The following MIR17HG variants were observed in gnomAD, a reference collection of about 807,000 sequenced individuals.
The protein encoded by MIR17HG is miR-17-92a-1 cluster host gene.
chr13:91,351,230 TG>T, intron 3 of MIR17HG: 1 of 529,812 alleles, frequency 1.9e-6, no homozygotes, highest in South Asian at 1.4e-5. Flanking sequence ...TGCATCCAGC[TG>T]TGTGATATTC....
At chr13:91,350,434 G>C in intron 3 of MIR17HG, 1 of 364,750 alleles carries the variant, frequency 2.7e-6, no homozygotes. Flanking sequence ...GTGTCTAAAT[G>C]GACCTCATAT....
chr13:91,351,438 T>C, intron 3 of MIR17HG: 1 of 501,096 alleles, frequency 2.0e-6, no homozygotes. Flanking sequence ...TTACTGAAGA[T>C]TTCGACTTCC....
rs535569411 is a variant in MIR17HG, at chr13:91,354,178, TTTAG to T, written n.532_535del. On this transcript the variant is annotated non_coding_transcript_exon_variant, in exon 4 of 4. Coordinates refer to ENST00000400282, the Ensembl canonical transcript of MIR17HG. Reference sequence around the variant, plus strand: ...GAGCTCAATCTGCACAGAGCCAGTTTTTAGTGTTTGATGGAAATAAGATCATCAT... The same window carrying T: ...GAGCTCAATCTGCACAGAGCCAGTTTTGTTTGATGGAAATAAGATCATCAT... 97 of 152,308 alleles carry T rather than the reference TTTAG, an allele frequency of 6.4e-4. No individual in the cohort carries two copies. Among genetic ancestry groups the T allele is most frequent in the African/African-American group, 2.3e-3 (95 of 41,552 alleles). 9.4% of individuals were successfully genotyped at this position (152,308 alleles called of 1,614,324 possible).
chr13:91,347,754 C>G (rs1041163408), upstream of MIR17HG: 1 of 152,504 alleles, frequency 6.6e-6, no homozygotes, highest in Admixed American at 6.6e-5. Flanking sequence ...CCACTTCGCG[C>G]CCTCGGGCGA....
exon 4 of MIR17HG, chr13:91,354,295 TTGA>T (rs1875466087): frequency 6.6e-6 from 1 of 152,228 alleles, no homozygotes; most frequent in South Asian, 2.1e-4. Context: ...GTTTTCTGCC[TTGA>T]TAACATTTCA....
At chr13:91,349,093 A>C (rs1566342619) in intron 1 of MIR17HG, among the ~76,000 whole-genome samples, 1 of 151,818 alleles carries the variant, frequency 6.6e-6, no homozygotes, top group Non-Finnish European at 1.5e-5. Context: ...TACGCGGAGA[A>C]TCGCAGGGCC....
At chr13:91,352,517 T>C (rs1257313523) in intron 3 of MIR17HG, 4 of 152,196 alleles carry the variant, frequency 2.6e-5, no homozygotes, top group African/African-American at 7.2e-5. Context: ...GACCACCCAA[T>C]AAATCTAGAA....
At chr13:91,350,059 A>G (rs920246879) in intron 2 of MIR17HG, 1 of 154,530 alleles carries the variant, frequency 6.5e-6, no homozygotes, top group African/African-American at 2.4e-5. Flanking sequence ...ATAACCTGAG[A>G]TGATAGATTT....
At chr13:91,350,437 C>T (rs1875242810) in intron 3 of MIR17HG, 1 of 370,890 alleles carries the variant, frequency 2.7e-6, no homozygotes, top group African/African-American at 2.1e-5. Context: ...TCTAAATGGA[C>T]CTCATATCTT....
chr13:91,347,844 G>C (rs1297326637), exon 1 of MIR17HG: 7 of 151,216 alleles, frequency 4.6e-5, no homozygotes, highest in Admixed American at 4.6e-4. Context: ...GGGGCGGGCC[G>C]GCCGGCCGCA....
chr13:91,351,262 AACTG>A (rs1875299946), intron 3 of MIR17HG: 1 of 529,678 alleles, frequency 1.9e-6, no homozygotes, highest in Non-Finnish European at 3.9e-6. Flanking sequence ...ATCCATGCAA[AACTG>A]ACTGTGGTAG....
chr13:91,353,212 A>G (rs909505337), intron 3 of MIR17HG, among the ~76,000 whole-genome samples: 2 of 152,044 alleles, frequency 1.3e-5, no homozygotes, highest in African/African-American at 4.8e-5. Flanking sequence ...ATTTTTTTAA[A>G]AACTGGAACA....
intron 3 of MIR17HG, among the ~76,000 whole-genome samples, chr13:91,352,582 GTTCT>G (rs1392581372): frequency 1.3e-5 from 2 of 152,134 alleles, no homozygotes; most frequent in Non-Finnish European, 2.9e-5. Flanking sequence ...CCTCTAATGT[GTTCT>G]TTAAGAAATT....
rs149052230 is a variant in MIR17HG at position 91,353,079 on chromosome 13, C to T, written n.285-854C>T. 6.5e-4 allele frequency among the ~76,000 whole-genome samples: 90 copies of T among 137,588 alleles called. No individual in the cohort carries two copies. The highest frequency in any genetic ancestry group is 2.4e-3 in the African/African-American group (88 of 36,168). The allele number at this position is 137,588 out of a possible 152,430, so 90.3% of individuals were successfully genotyped here. A position where few individuals can be genotyped will look rare whatever the true frequency, so the allele number is the denominator to read the frequency against. On this transcript the variant is annotated intron_variant and non_coding_transcript_variant, in intron 3 of 3. Transcript: ENST00000400282. ...GAGCTGAGATCCTGCCACTGCACTCCAGCCTGGGCGCAAGACCAAGACTTA... is the reference window on the plus strand; with the variant it reads ...GAGCTGAGATCCTGCCACTGCACTCTAGCCTGGGCGCAAGACCAAGACTTA...
chr13:91,349,019 A>G (rs1329534971), intron 1 of MIR17HG, among the ~76,000 whole-genome samples: 1 of 150,842 alleles, frequency 6.6e-6, no homozygotes, highest in African/African-American at 2.4e-5. Flanking sequence ...TGCCGCCGGG[A>G]AACGGGTTGG....
intron 3 of MIR17HG, among the ~76,000 whole-genome samples, chr13:91,353,398 ATG>A (rs1437450860): frequency 8.5e-5 from 13 of 152,288 alleles, no homozygotes; most frequent in African/African-American, 3.1e-4. Flanking sequence ...AAGTTAATAA[ATG>A]TGTATGTTTT....
At chr13:91,353,929 A>G (rs1347498058) in intron 3 of MIR17HG, 1 of 152,638 alleles carries the variant, frequency 6.6e-6, no homozygotes, top group Non-Finnish European at 1.5e-5. Flanking sequence ...TCTTCATTTT[A>G]CAGGCAGACC....
At chr13:91,348,378 C>T (rs1875077705) in intron 1 of MIR17HG, among the ~76,000 whole-genome samples, 1 of 150,556 alleles carries the variant, frequency 6.6e-6, no homozygotes, top group African/African-American at 2.4e-5. Flanking sequence ...AAAGTTTCTC[C>T]CGAGGGCGAG....
intron 3 of MIR17HG, among the ~76,000 whole-genome samples, chr13:91,353,584 C>T (rs894136214): frequency 6.6e-6 from 1 of 152,174 alleles, no homozygotes; most frequent in Non-Finnish European, 1.5e-5. Context: ...AAAAGATTCA[C>T]ATTGTTAATT....
Sources: allele counts gnomAD v4.1 joint callset (sites outside exome capture counted in the v4.1 genomes callset), GRCh38; gene constraint gnomAD v4.1.1; transcripts MANE v1.5; gene names NCBI Gene and HGNC (gene_info 2026-07-23, HGNC 2026-07-21).